The following BRF1 variants were observed in gnomAD, a reference collection of about 807,000 sequenced individuals.
The protein encoded by BRF1 is transcription factor IIIB 90 kDa subunit.
BRF1 carries 59 observed loss-of-function variants against 81.7 expected under a neutral mutation model. The ratio of observed to expected loss-of-function variants is 0.72; its 90% confidence interval spans 0.59 to 0.90. The LOEUF is 0.90. Ranked by LOEUF, BRF1 falls within the 40% of genes least tolerant of loss-of-function variation. The pLI, the probability that BRF1 is intolerant of heterozygous loss-of-function variation, is 0.00. For synonymous variants in BRF1, 491 were observed against 395.6 expected (o/e 1.24, Z -2.86); for missense variants, 1,050 against 936.3 (o/e 1.12, Z -1.58).
intron 10 of BRF1, chr14:105,222,160 AG>A: frequency 2.2e-6 from 1 of 459,364 alleles, no homozygotes. Context: ...AAAACGTAAA[AG>A]AAAAACTTTG....
intron 5 of BRF1, among the ~76,000 whole-genome samples, chr14:105,244,098 C>T (rs1004485852): frequency 2.0e-5 from 3 of 151,940 alleles, no homozygotes; most frequent in Non-Finnish European, 4.4e-5. Context: ...TGCTTGAGCC[C>T]GGGAGTTCGA....
At position 105,226,163 on chromosome 14, in the gene BRF1, T is replaced by G. The variant is rs1893049306; in HGVS notation, c.956-2A>C. ...CATCCTGGTAACTGGATATTTCACC[T>G]GAAGTCATAAGTTAAAAGCAAAAAG... On this transcript the variant is annotated splice_acceptor_variant, in intron 9 of 17. Coordinates refer to ENST00000547530, the MANE Select transcript of BRF1 (RefSeq NM_001519.4). LOFTEE classifies it high-confidence loss of function. 6.2e-7 allele frequency: 1 copy of G among 1,613,868 alleles called. No homozygotes were observed. Among genetic ancestry groups the G allele is most frequent in the Non-Finnish European group, 8.5e-7 (1 of 1,180,008 alleles).
intron 3 of BRF1, among the ~76,000 whole-genome samples, chr14:105,257,660 G>A (rs2140328552): frequency 6.6e-6 from 1 of 152,364 alleles, no homozygotes; most frequent in African/African-American, 2.4e-5. Context: ...AGCCTCACAA[G>A]AGGCACTATG....
intron 10 of BRF1, among the ~76,000 whole-genome samples, chr14:105,223,666 T>C (rs1892652432): frequency 6.6e-6 from 1 of 152,242 alleles, no homozygotes; most frequent in Non-Finnish European, 1.5e-5. Context: ...ACCAAGGGCC[T>C]GTGGACCCCG....
rs1240194313 is a variant in BRF1 at position 105,211,152 on chromosome 14, C to T, written c.1966G>A (p.Val656Ile). ...CTGCCCATCATCTGCAGGGCACTGA[C>T]GCAGGGCTCCCCGTCCTCCTCGTCA... Reference protein sequence around the residue: ...EPDEEDGEPCVSALQMMGSND... With the variant: ...EPDEEDGEPCISALQMMGSND... The change falls in exon 17 of 18, where the codon GTC (valine) becomes ATC (isoleucine). Residue 656 changes from valine to isoleucine, a missense_variant. Val to Ile is a conservative substitution (Grantham distance 29). Transcript: ENST00000547530. 3.1e-6 allele frequency: 5 copies of T among 1,612,524 alleles called. No homozygotes were observed. The highest frequency in any genetic ancestry group is 4.2e-6 in the Non-Finnish European group (5 of 1,179,936).
intron 5 of BRF1, chr14:105,249,270 G>C: frequency 6.4e-7 from 1 of 1,563,738 alleles, no homozygotes; most frequent in Admixed American, 1.9e-5. Flanking sequence ...GGCCCCTCTC[G>C]GAACGCGTGC....
chr14:105,312,338 A>G (rs2058370591), intron 1 of BRF1, among the ~76,000 whole-genome samples: 2 of 152,224 alleles, frequency 1.3e-5, no homozygotes, highest in African/African-American at 4.8e-5. Flanking sequence ...TTCTTAAATA[A>G]TAATAACTCC....
chr14:105,286,421 G>C (rs587671121), intron 1 of BRF1, 45 bp from the exon 2 acceptor site: 2 of 1,564,490 alleles, frequency 1.3e-6, no homozygotes, highest in Admixed American at 3.6e-5. Context: ...TTGGAGATCT[G>C]CATTTACAAC....
chr14:105,228,796 A>G (rs1414205615), intron 7 of BRF1, 24 bp downstream of exon 7: 3 of 1,612,816 alleles, frequency 1.9e-6, no homozygotes, highest in South Asian at 2.2e-5. Flanking sequence ...TGTGGTCCCC[A>G]TGCCATGAAT....
At chr14:105,288,762 T>C (rs1376138080) in intron 1 of BRF1, among the ~76,000 whole-genome samples, 1 of 149,602 alleles carries the variant, frequency 6.7e-6, no homozygotes, top group Non-Finnish European at 1.5e-5. Context: ...GCCTCCCGAG[T>C]AGCTGGGACT....
At chr14:105,305,258 C>T (rs887404557), upstream of BRF1, among the ~76,000 whole-genome samples, 2 of 151,902 alleles carry the variant, frequency 1.3e-5, no homozygotes, top group African/African-American at 2.4e-5. Context: ...AAAACTTAGC[C>T]GGTTGTGGTA....
Position 105,254,358 on chromosome 14 carries a change from G to A in BRF1, c.472-1779C>T, listed in dbSNP as rs587746568. ...TGCAAGCTCTGCCTCCCGGGTTCAC[G>A]TCATTCTCCTGCCTCAGCCTCCTGA... On this transcript the variant is annotated intron_variant, in intron 4 of 17. Coordinates refer to ENST00000547530, the MANE Select transcript of BRF1 (RefSeq NM_001519.4). Among the ~76,000 whole-genome samples the A allele has an allele frequency of 1.1e-3, 167 of 152,264 alleles. 1 individual carries two copies. The highest frequency in any genetic ancestry group is 4.0e-3 in the African/African-American group (165 of 41,538).
intron 3 of BRF1, among the ~76,000 whole-genome samples, chr14:105,258,009 T>C (rs868847372): frequency 3.3e-5 from 5 of 152,026 alleles, no homozygotes; most frequent in Non-Finnish European, 7.4e-5. Context: ...GCCCCAAGAG[T>C]GAACCTCAAT....
At chr14:105,242,493 T>C (rs1246080140) in intron 5 of BRF1, 1 of 152,008 alleles carries the variant, frequency 6.6e-6, no homozygotes, top group Non-Finnish European at 1.5e-5. Flanking sequence ...TCCCAGCACT[T>C]TGGGGGCCGA....
At chr14:105,270,839 G>C (rs1392403828) in intron 3 of BRF1, among the ~76,000 whole-genome samples, 3 of 151,216 alleles carry the variant, frequency 2.0e-5, no homozygotes, top group East Asian at 3.9e-4. Flanking sequence ...TGATACTGAG[G>C]GTTGCCTGGC....
chr14:105,310,297 G>C (rs1427278135), intron 1 of BRF1, among the ~76,000 whole-genome samples: 1 of 151,170 alleles, frequency 6.6e-6, no homozygotes, highest in Non-Finnish European at 1.5e-5. Context: ...TTGGGAGGTC[G>C]AGGCGGGCGG....
At chr14:105,248,042 C>T (rs146908013) in intron 5 of BRF1, 3 of 985,356 alleles carry the variant, frequency 3.0e-6, no homozygotes, top group African/African-American at 1.7e-5. Context: ...CTTGCCCACC[C>T]GCCGGCTGTG....
At chr14:105,302,770 G>T (rs954791411), upstream of BRF1, among the ~76,000 whole-genome samples, 1 of 151,750 alleles carries the variant, frequency 6.6e-6, no homozygotes, top group Non-Finnish European at 1.5e-5. Flanking sequence ...TGTAGAGATG[G>T]GTTTTTGCCT....
At position 105,223,233 on chromosome 14, in the gene BRF1, C is replaced by G. The variant is rs191636533; in HGVS notation, c.1049-1319G>C. On this transcript the variant is annotated intron_variant, in intron 10 of 17. Transcript: ENST00000547530. ...ACATACACACTTGCCTTTCACATAA[C>G]CCAGCAATTTCACTCCTCAGCAATT... Among the ~76,000 whole-genome samples the G allele has an allele frequency of 9.2e-5, 14 of 152,280 alleles. No individual in the cohort carries two copies. In the East Asian group the frequency reaches 2.5e-3, roughly 27 times the overall value.
Sources: allele counts gnomAD v4.1 joint callset (sites outside exome capture counted in the v4.1 genomes callset), GRCh38; gene constraint gnomAD v4.1.1; transcripts MANE v1.5; gene names NCBI Gene and HGNC (gene_info 2026-07-23, HGNC 2026-07-21).